Variants in GNAO1 observed in about 807,000 individuals in gnomAD.
The protein encoded by GNAO1 is G protein subunit alpha o1.
For missense variants in GNAO1, 166 were observed against 478.7 expected (o/e 0.35, Z 6.10); for synonymous variants, 164 against 180.7 (o/e 0.91, Z 0.74).
At chr16:56,272,338 T>G (rs2037026308) in intron 2 of GNAO1, among the ~76,000 whole-genome samples, 1 of 152,180 alleles carries the variant, frequency 6.6e-6, no homozygotes, top group Non-Finnish European at 1.5e-5. Context: ...TTTCTTGTTG[T>G]TCTGTATGGA....
chr16:56,351,355 T>C lies in GNAO1; in HGVS notation c.724-29T>C. The C allele has an allele frequency of 1.3e-6, 2 of 1,578,418 alleles. No individual in the cohort carries two copies. Among genetic ancestry groups the C allele is most frequent in the South Asian group, 2.2e-5 (2 of 90,070 alleles). On this transcript the variant is annotated intron_variant, in intron 6 of 8. Coordinates refer to ENST00000262493, the MANE Select transcript of GNAO1 (RefSeq NM_020988.3). This position sits in a 1 kb window ranked among gnomAD's most constrained non-coding sequence, Gnocchi z 6.1. Reference sequence around the variant, plus strand: ...CTCTGTGTCTCCCTCCCGCTGTCTGTCCTCTCTCCTCCCTTCCTGCGGCCG... The same window carrying C: ...CTCTGTGTCTCCCTCCCGCTGTCTGCCCTCTCTCCTCCCTTCCTGCGGCCG...
chr16:56,336,958 G>A, intron 6 of GNAO1, 98 bp downstream of exon 6: 3 of 1,175,616 alleles, frequency 2.6e-6, no homozygotes, highest in Non-Finnish European at 3.6e-6. Flanking sequence ...GCCCACAATG[G>A]CTCTGGGGTC....
intron 6 of GNAO1, among the ~76,000 whole-genome samples, chr16:56,350,559 A>G (rs528906709): frequency 1.3e-5 from 2 of 152,164 alleles, no homozygotes; most frequent in South Asian, 4.1e-4. Flanking sequence ...CATTTGCTAA[A>G]CAGGCTCCTG....
intron 2 of GNAO1, among the ~76,000 whole-genome samples, chr16:56,238,645 G>A (rs1334350982): frequency 1.3e-5 from 2 of 152,232 alleles, no homozygotes; most frequent in Admixed American, 6.5e-5. Flanking sequence ...CTCTTTCCAC[G>A]CTGCAGGGTA....
At chr16:56,203,764 T>C (rs2036301389) in intron 2 of GNAO1, among the ~76,000 whole-genome samples, 1 of 152,174 alleles carries the variant, frequency 6.6e-6, no homozygotes. Flanking sequence ...CCTTCCAGGA[T>C]CTGAACAACT....
intron 5 of GNAO1, 58 bp from the exon 6 acceptor site, chr16:56,336,673 C>T (rs1177266938): frequency 7.9e-6 from 12 of 1,517,802 alleles, no homozygotes; most frequent in African/African-American, 1.4e-5. Flanking sequence ...ACAGCTTAAT[C>T]CCCAGGCAGC....
intron 3 of GNAO1, among the ~76,000 whole-genome samples, chr16:56,315,842 G>C (rs1274204596): frequency 6.6e-6 from 1 of 151,742 alleles, no homozygotes; most frequent in African/African-American, 2.4e-5. Context: ...AGGAGTTCGA[G>C]ACCAGCCTGG....
At chr16:56,290,610 A>T (rs1268849585) in intron 3 of GNAO1, among the ~76,000 whole-genome samples, 1 of 152,194 alleles carries the variant, frequency 6.6e-6, no homozygotes, top group Non-Finnish European at 1.5e-5. Flanking sequence ...CACCTGCTGA[A>T]TTGAAACCAC....
chr16:56,316,311 C>T (rs1482556443), intron 3 of GNAO1, among the ~76,000 whole-genome samples: 1 of 152,194 alleles, frequency 6.6e-6, no homozygotes, highest in Non-Finnish European at 1.5e-5. Context: ...CATTTTCTCT[C>T]CATCAGGGCT....
At chr16:56,210,596 G>A (rs915567057) in intron 2 of GNAO1, among the ~76,000 whole-genome samples, 4 of 152,170 alleles carry the variant, frequency 2.6e-5, no homozygotes, top group Admixed American at 2.6e-4. Flanking sequence ...GTCCGTTTTT[G>A]GATTTTGTCC....
At chr16:56,336,599 T>C (rs1159247826) in intron 5 of GNAO1, 132 bp from the exon 6 acceptor site, 4 of 743,418 alleles carry the variant, frequency 5.4e-6, no homozygotes, top group South Asian at 1.9e-5. Flanking sequence ...CAAGGTCTTC[T>C]AGTGAGGGCT....
At chr16:56,198,248 GA>G (rs1200988084) in intron 2 of GNAO1, among the ~76,000 whole-genome samples, 2 of 152,202 alleles carry the variant, frequency 1.3e-5, no homozygotes, top group East Asian at 3.8e-4. Flanking sequence ...TAAAAAGCTT[GA>G]AGATGCTCAA....
In GNAO1 at chr16:56,192,212, G is replaced by A. The variant is rs778082773; in HGVS notation, c.-24G>A. 3 of 1,341,948 alleles carry A rather than the reference G, an allele frequency of 2.2e-6. No homozygotes were observed. Among genetic ancestry groups the A allele is most frequent in the Admixed American group, 1.8e-5 (1 of 54,318 alleles). 83.1% of individuals were successfully genotyped at this position (1,341,948 alleles called of 1,614,324 possible). ...GGAGCCGTGCCAGCCGAGTCGTGCG[G>A]GCTGTGGCAGGGAAGGGGCCACCAT... On this transcript the variant is annotated 5_prime_UTR_variant, in exon 1 of 9. Transcript: ENST00000262493.
intron 6 of GNAO1, chr16:56,345,388 TC>T: frequency 1.0e-6 from 1 of 985,706 alleles, no homozygotes; most frequent in South Asian, 4.7e-5. Context: ...CACTGCTTAG[TC>T]CCCAGCCAGG....
chr16:56,341,964 C>G (rs2037809642), intron 6 of GNAO1, among the ~76,000 whole-genome samples: 2 of 152,322 alleles, frequency 1.3e-5, no homozygotes, highest in East Asian at 3.9e-4. Flanking sequence ...GGGCTTGGGG[C>G]CAGGCAAGCA....
chr16:56,287,147 G>A (rs1021303587), intron 3 of GNAO1, among the ~76,000 whole-genome samples: 1 of 152,344 alleles, frequency 6.6e-6, no homozygotes, highest in East Asian at 1.9e-4. Flanking sequence ...CAATGGTCTC[G>A]CCTTTCCACT....
chr16:56,274,086 T>C lies in GNAO1; in HGVS notation c.162-1845T>C, dbSNP rs1262862521. Among the ~76,000 whole-genome samples, 6 of 152,210 alleles carry C rather than the reference T, an allele frequency of 3.9e-5. No homozygotes were observed. The South Asian group carries it at 1.0e-3, about 26-fold the overall frequency. ...TACCTCAGCTTTCCTGAACTCACTT[T>C]TTCTCTTCAGCTCAGTGAAATGGCT... On this transcript the variant is annotated intron_variant, in intron 2 of 8. Transcript: ENST00000262493.
chr16:56,222,832 C>T (rs1596805947), intron 2 of GNAO1, among the ~76,000 whole-genome samples: 2 of 152,236 alleles, frequency 1.3e-5, no homozygotes, highest in East Asian at 3.9e-4. Flanking sequence ...ATGGTGAAGA[C>T]TGGCGATGAG....
At chr16:56,344,609 G>A (rs2037843882) in intron 6 of GNAO1, 1 of 986,020 alleles carries the variant, frequency 1.0e-6, no homozygotes, top group Non-Finnish European at 1.2e-6. Context: ...TGCTTCTTGA[G>A]ACTGATTTAT....
Sources: allele counts gnomAD v4.1 joint callset (sites outside exome capture counted in the v4.1 genomes callset), GRCh38; gene constraint gnomAD v4.1.1; non-coding constraint Gnocchi (gnomAD v3.1); transcripts MANE v1.5; gene names NCBI Gene and HGNC (gene_info 2026-07-23, HGNC 2026-07-21).